The following GALNTL6 variants were observed in gnomAD, a reference collection of about 807,000 sequenced individuals.
GALNTL6 encodes polypeptide N-acetylgalactosaminyltransferase-like 6.
A neutral mutation model predicts 73.7 loss-of-function variants in GALNTL6; 46 were observed. The observed-to-expected ratio is 0.62, with a 90% CI of 0.49 to 0.80. The LOEUF (loss-of-function observed/expected upper bound fraction) is 0.80, where lower values mean the gene tolerates loss of function less well. Among genes scored for constraint, GALNTL6 ranks in the 30% least tolerant of loss-of-function variants. GALNTL6 has a pLI of 0.00. For missense variants in GALNTL6, 604 were observed against 755.0 expected (o/e 0.80, Z 2.34); for synonymous variants, 259 against 263.7 (o/e 0.98, Z 0.17).
chr4:171,976,930 G>A (rs956421504), intron 2 of GALNTL6, among the ~76,000 whole-genome samples: 4 of 152,116 alleles, frequency 2.6e-5, no homozygotes, highest in Non-Finnish European at 5.9e-5. Flanking sequence ...GAAATCTATC[G>A]AATCAAGTCA....
intron 2 of GALNTL6, among the ~76,000 whole-genome samples, chr4:171,819,234 A>G (rs1734619841): frequency 6.6e-6 from 1 of 152,094 alleles, no homozygotes; most frequent in African/African-American, 2.4e-5. Flanking sequence ...CCGTTTCTGG[A>G]ATTTATGGAA....
chr4:171,868,613 C>T (rs1736036111), intron 2 of GALNTL6, among the ~76,000 whole-genome samples: 1 of 152,178 alleles, frequency 6.6e-6, no homozygotes, highest in African/African-American at 2.4e-5. Context: ...ATCAAATATT[C>T]TACCTCCCTT....
intron 2 of GALNTL6, among the ~76,000 whole-genome samples, chr4:171,891,988 A>G (rs1455474963): frequency 3.3e-5 from 5 of 152,218 alleles, no homozygotes; most frequent in East Asian, 3.8e-4. Context: ...CCAAAACTTT[A>G]TAAGTATCAA....
At chr4:172,849,726 T>A (rs1343617672) in intron 7 of GALNTL6, among the ~76,000 whole-genome samples, 1 of 152,184 alleles carries the variant, frequency 6.6e-6, no homozygotes, top group Non-Finnish European at 1.5e-5. Context: ...AACAATAATT[T>A]ATCTTGTTTT....
intron 7 of GALNTL6, among the ~76,000 whole-genome samples, chr4:172,829,130 A>C (rs1488499508): frequency 1.3e-5 from 2 of 152,220 alleles, no homozygotes; most frequent in Admixed American, 1.3e-4. Context: ...CTGAGAAAGA[A>C]GAGTTACAAC....
At chr4:172,981,932 G>A (rs1327107229) in intron 10 of GALNTL6, among the ~76,000 whole-genome samples, 1 of 151,582 alleles carries the variant, frequency 6.6e-6, no homozygotes, top group Non-Finnish European at 1.5e-5. Flanking sequence ...AAGTAGCTGG[G>A]ATTACAGGCA....
intron 5 of GALNTL6, among the ~76,000 whole-genome samples, chr4:172,788,578 A>G (rs1459293218): frequency 6.7e-6 from 1 of 150,016 alleles, no homozygotes; most frequent in African/African-American, 2.4e-5. Flanking sequence ...AGGCTGAGGC[A>G]GGAGAATGCC....
intron 2 of GALNTL6, among the ~76,000 whole-genome samples, chr4:171,963,114 T>C (rs1242377569): frequency 6.6e-6 from 1 of 151,344 alleles, no homozygotes; most frequent in Non-Finnish European, 1.5e-5. Context: ...AAATACAATC[T>C]AAGAAGTGCA....
intron 2 of GALNTL6, among the ~76,000 whole-genome samples, chr4:171,902,014 A>G (rs930260389): frequency 6.6e-6 from 1 of 152,200 alleles, no homozygotes; most frequent in African/African-American, 2.4e-5. Flanking sequence ...TTAAGATTGT[A>G]TTGCTATATA....
At chr4:172,684,901 C>T (rs1444027118) in intron 5 of GALNTL6, among the ~76,000 whole-genome samples, 1 of 152,192 alleles carries the variant, frequency 6.6e-6, no homozygotes, top group Non-Finnish European at 1.5e-5. Flanking sequence ...TTACCATTAA[C>T]ATGCCAATTA....
At chr4:172,539,472 G>C (rs983731897) in intron 5 of GALNTL6, among the ~76,000 whole-genome samples, 6 of 152,080 alleles carry the variant, frequency 3.9e-5, no homozygotes, top group African/African-American at 9.7e-5. Context: ...TCCACTGAAG[G>C]GGGGAAGATA....
intron 5 of GALNTL6, among the ~76,000 whole-genome samples, chr4:172,790,593 G>C (rs143544670): frequency 6.6e-6 from 1 of 152,218 alleles, no homozygotes; most frequent in East Asian, 1.9e-4. Flanking sequence ...TTTTATCATG[G>C]CAGCTCCAGC....
intron 7 of GALNTL6, among the ~76,000 whole-genome samples, chr4:172,836,315 T>C (rs1487541730): frequency 6.6e-6 from 1 of 152,228 alleles, no homozygotes; most frequent in African/African-American, 2.4e-5. Flanking sequence ...AAGAGCACGA[T>C]CTCACAAGCT....
chr4:172,915,864 G>A (rs1017629082), intron 8 of GALNTL6, among the ~76,000 whole-genome samples: 2 of 152,116 alleles, frequency 1.3e-5, no homozygotes, highest in African/African-American at 2.4e-5. Context: ...CCAAAAAATA[G>A]AAAAAGAGGG....
At chr4:171,836,859 T>A (rs1225363027) in intron 2 of GALNTL6, among the ~76,000 whole-genome samples, 2 of 152,140 alleles carry the variant, frequency 1.3e-5, no homozygotes, top group Non-Finnish European at 2.9e-5. Flanking sequence ...CTCTTCATTA[T>A]AGAAGAGAGT....
At chr4:172,742,085 A>C (rs1400605160) in intron 5 of GALNTL6, among the ~76,000 whole-genome samples, 1 of 152,048 alleles carries the variant, frequency 6.6e-6, no homozygotes, top group African/African-American at 2.4e-5. Context: ...GTTTGTCACA[A>C]AACCATTTGA....
chr4:172,992,756 G>A (rs183250799), intron 10 of GALNTL6, among the ~76,000 whole-genome samples: 17 of 152,268 alleles, frequency 1.1e-4, no homozygotes, highest in African/African-American at 3.1e-4. Context: ...GCAACTGGGA[G>A]GTTATTATCT....
At chr4:172,164,965 C>G (rs990317192) in intron 2 of GALNTL6, among the ~76,000 whole-genome samples, 1 of 152,008 alleles carries the variant, frequency 6.6e-6, no homozygotes, top group African/African-American at 2.4e-5. Flanking sequence ...TTCAGGTGCT[C>G]GCCTTATCAA....
At chr4:172,302,874 TTATA>T (rs1739990989) in intron 3 of GALNTL6, among the ~76,000 whole-genome samples, 1 of 152,134 alleles carries the variant, frequency 6.6e-6, no homozygotes, top group Non-Finnish European at 1.5e-5. Context: ...GTCTCATTTG[TTATA>T]TAATCCTTGA....
Sources: gnomAD v4.1 joint callset for allele counts (sites outside exome capture counted in the v4.1 genomes callset) on GRCh38, gnomAD v4.1.1 for gene constraint, MANE v1.5 for transcripts, NCBI Gene and HGNC (gene_info 2026-07-23, HGNC 2026-07-21) for gene names.